DAB1: variants seen among roughly 807,000 people sequenced by gnomAD.
DAB1 encodes the protein disabled homolog 1.
A neutral mutation model predicts 64.6 loss-of-function variants in DAB1; 15 were observed. The ratio of observed to expected loss-of-function variants is 0.23; its 90% CI spans 0.16 to 0.36. The LOEUF (loss-of-function observed/expected upper bound fraction) is 0.36. Among genes scored for constraint, DAB1 ranks in the 10% least tolerant of loss-of-function variants. DAB1 has a pLI of 1.00. For synonymous variants in DAB1, 235 were observed against 251.9 expected (o/e 0.93, Z 0.64); for missense variants, 596 against 706.7 (o/e 0.84, Z 1.78).
chr1:57,825,203 C>T (rs1418009340), downstream of DAB1, among the ~76,000 whole-genome samples: 1 of 151,942 alleles, frequency 6.6e-6, no homozygotes, highest in African/African-American at 2.4e-5. Context: ...CAGACTGAGT[C>T]AGAGTTTAGG....
intron 4 of DAB1, among the ~76,000 whole-genome samples, chr1:58,156,445 C>T (rs1339112595): frequency 6.6e-6 from 1 of 152,188 alleles, no homozygotes; most frequent in Admixed American, 6.5e-5. Context: ...CTCCTACACC[C>T]TCTATTTCCA....
chr1:57,996,424 A>G (rs1407564966), intron 5 of DAB1, among the ~76,000 whole-genome samples: 1 of 152,212 alleles, frequency 6.6e-6, no homozygotes, highest in African/African-American at 2.4e-5. Flanking sequence ...TAGTGTAGCA[A>G]AAGAGATCAT....
At chr1:57,178,451 G>T (rs1662567911) in intron 2 of DAB1, among the ~76,000 whole-genome samples, 1 of 152,144 alleles carries the variant, frequency 6.6e-6, no homozygotes, top group Non-Finnish European at 1.5e-5. Context: ...ATAATTCATA[G>T]ATATGTAAGT....
At chr1:57,995,399 G>A (rs191624133) in intron 5 of DAB1, among the ~76,000 whole-genome samples, 11 of 152,244 alleles carry the variant, frequency 7.2e-5, no homozygotes, top group South Asian at 4.2e-4. Context: ...GGGAGAAAGT[G>A]GGGCACAAAG....
chr1:58,463,779 G>A (rs1645267385), intron 3 of DAB1, among the ~76,000 whole-genome samples: 1 of 152,244 alleles, frequency 6.6e-6, no homozygotes, highest in African/African-American at 2.4e-5. Context: ...ACCCACCTGT[G>A]TGAGTCCATG....
chr1:57,359,028 A>G (rs1180308424), intron 1 of DAB1, among the ~76,000 whole-genome samples: 2 of 152,092 alleles, frequency 1.3e-5, no homozygotes, highest in Non-Finnish European at 1.5e-5. Context: ...AAGCTCCATG[A>G]CACTGGATTC....
At chr1:57,233,416 T>C (rs6682379) in intron 2 of DAB1, among the ~76,000 whole-genome samples, 96,620 of 149,668 alleles carry the variant, frequency 0.65, 31,723 homozygotes, top group East Asian at 0.85. Flanking sequence ...GCGCCCGCCA[T>C]TACGCCTGGC....
chr1:58,044,611 G>T lies in DAB1; in HGVS notation n.387+105900C>A, dbSNP rs562394338. 9.2e-5 allele frequency among the ~76,000 whole-genome samples: 14 copies of T among 152,208 alleles called. No homozygotes were observed. The East Asian group carries it at 2.7e-3, about 29-fold the overall frequency. On this transcript the variant is annotated intron_variant and non_coding_transcript_variant, in intron 5 of 20. Transcript: ENST00000485760. ...TGCATATCAGGCTTTTACTCTGGGT[G>T]TTGAATTCATAATTTCACTATAGCA...
intron 9 of DAB1, among the ~76,000 whole-genome samples, chr1:57,027,201 C>T (rs1557577869): frequency 6.6e-6 from 1 of 152,150 alleles, no homozygotes; most frequent in Non-Finnish European, 1.5e-5. Flanking sequence ...GTCCCACACT[C>T]CATGCCTGGG....
chr1:58,006,100 G>A (rs1021807957), intron 5 of DAB1, among the ~76,000 whole-genome samples: 3 of 152,122 alleles, frequency 2.0e-5, no homozygotes, highest in Non-Finnish European at 2.9e-5. Context: ...GGAGTCCCAC[G>A]AAGGCTTGGG....
At chr1:58,389,487 T>A (rs1344682293) in intron 3 of DAB1, among the ~76,000 whole-genome samples, 1 of 152,184 alleles carries the variant, frequency 6.6e-6, no homozygotes, top group Non-Finnish European at 1.5e-5. Flanking sequence ...AGCATCCAAA[T>A]TAGTGTCAAC....
chr1:58,114,202 C>T (rs1652177438), intron 5 of DAB1, among the ~76,000 whole-genome samples: 1 of 152,012 alleles, frequency 6.6e-6, no homozygotes, highest in Non-Finnish European at 1.5e-5. Context: ...GTGGAGGTTG[C>T]AGTGAGCTGA....
intron 7 of DAB1, among the ~76,000 whole-genome samples, chr1:57,626,785 T>C (rs1645928190): frequency 6.6e-6 from 1 of 152,142 alleles, no homozygotes; most frequent in Non-Finnish European, 1.5e-5. Flanking sequence ...CTGGGATTTC[T>C]TTCATAAAGG....
At chr1:57,664,778 T>C (rs932528277) in intron 6 of DAB1, among the ~76,000 whole-genome samples, 11 of 152,116 alleles carry the variant, frequency 7.2e-5, no homozygotes, top group African/African-American at 1.9e-4. Context: ...ATAAAGAACA[T>C]TTAATGCCAT....
chr1:57,036,359 T>C (rs1196647819), intron 9 of DAB1, among the ~76,000 whole-genome samples: 1 of 152,256 alleles, frequency 6.6e-6, no homozygotes, highest in Middle Eastern at 3.4e-3. Context: ...TTTTTTTACC[T>C]TGTGTCTACC....
chr1:58,211,813 C>T (rs1658565839), intron 4 of DAB1, among the ~76,000 whole-genome samples: 1 of 152,128 alleles, frequency 6.6e-6, no homozygotes. Context: ...AAATGGGATT[C>T]ATAGTCAGCT....
intron 6 of DAB1, among the ~76,000 whole-genome samples, chr1:57,723,919 T>C (rs1033695901): frequency 6.6e-6 from 1 of 152,216 alleles, no homozygotes; most frequent in Non-Finnish European, 1.5e-5. Flanking sequence ...GCATTTCATA[T>C]TCAAGAAAAA....
chr1:58,086,714 AC>A (rs1262268871), intron 5 of DAB1, among the ~76,000 whole-genome samples: 2 of 151,896 alleles, frequency 1.3e-5, no homozygotes, highest in African/African-American at 4.8e-5. Context: ...CCACTCCTGA[AC>A]ATGGCAGGCA....
intron 7 of DAB1, among the ~76,000 whole-genome samples, chr1:57,481,671 G>T (rs1397908763): frequency 1.3e-5 from 2 of 152,016 alleles, no homozygotes; most frequent in African/African-American, 2.4e-5. Flanking sequence ...ACAAAAATTA[G>T]CCAGGCATGG....
Sources: allele counts gnomAD v4.1 joint callset (sites outside exome capture counted in the v4.1 genomes callset), GRCh38; gene constraint gnomAD v4.1.1; transcripts MANE v1.5; gene names NCBI Gene and HGNC (gene_info 2026-07-23, HGNC 2026-07-21).